Variants in DPY30 observed in about 807,000 individuals in gnomAD.
DPY30 encodes the protein dpy-30 histone methyltransferase complex regulatory subunit.
Under a neutral mutation model 16.2 loss-of-function variants are expected in DPY30, and 6 were observed. That is an observed-to-expected ratio of 0.37 (90% CI 0.20 to 0.73). DPY30 has a LOEUF of 0.73. DPY30 is among the 30% of genes least tolerant of loss of function. The pLI is 0.51. For synonymous variants in DPY30, 39 were observed against 38.8 expected, an observed-to-expected ratio of 1.00 and a Z score of -0.02; for missense variants, 73 against 113.1, an observed-to-expected ratio of 0.65 and a Z score of 1.61.
intron 3 of DPY30, among the ~76,000 whole-genome samples, chr2:32,034,689 T>C (rs1359190998): frequency 6.6e-6 from 1 of 152,118 alleles, no homozygotes; most frequent in Non-Finnish European, 1.5e-5. Flanking sequence ...TGTGTTCCAG[T>C]GACACAGGGG....
chr2:32,026,914 CT>C (rs1235027568), intron 4 of DPY30, among the ~76,000 whole-genome samples: 1 of 149,264 alleles, frequency 6.7e-6, no homozygotes, highest in African/African-American at 2.5e-5. Flanking sequence ...TATTTTTTTC[CT>C]TTTTTCCCTT....
At chr2:32,026,523 G>C (rs1293221431) in intron 4 of DPY30, among the ~76,000 whole-genome samples, 1 of 152,186 alleles carries the variant, frequency 6.6e-6, no homozygotes, top group Non-Finnish European at 1.5e-5. Context: ...GAGTGTAATG[G>C]CTCATGCCTG....
downstream of DPY30, among the ~76,000 whole-genome samples, chr2:32,020,215 T>C (rs1675150372): frequency 6.7e-6 from 1 of 148,632 alleles, no homozygotes; most frequent in Non-Finnish European, 1.5e-5. Context: ...CAAAAACAAA[T>C]AGGCTGGGCA....
At chr2:32,030,747 C>T (rs1162434362) in intron 3 of DPY30, among the ~76,000 whole-genome samples, 1 of 151,912 alleles carries the variant, frequency 6.6e-6, no homozygotes, top group Non-Finnish European at 1.5e-5. Context: ...TGCAGTGAGA[C>T]GAGATCATGC....
chr2:32,012,684 G>A (rs375347605), intron 5 of DPY30, among the ~76,000 whole-genome samples: 2 of 151,828 alleles, frequency 1.3e-5, no homozygotes, highest in Admixed American at 6.6e-5. Flanking sequence ...GTGATCCACC[G>A]GCCTCGGCCT....
intron 4 of DPY30, among the ~76,000 whole-genome samples, chr2:32,025,417 C>T (rs1675291642): frequency 6.6e-6 from 1 of 151,886 alleles, no homozygotes; most frequent in African/African-American, 2.4e-5. Flanking sequence ...GAGCCGAGAT[C>T]ATGCCACTGT....
rs1192407551 is a variant in DPY30 at position 32,039,154 on chromosome 2, G to C, written c.84+125C>G. 5 of 1,121,230 alleles carry C rather than the reference G, an allele frequency of 4.5e-6. No homozygotes were observed. In the East Asian group the frequency reaches 1.2e-4, roughly 26 times the overall value. The allele number at this position is 1,121,230 out of a possible 1,614,324, so 69.5% of individuals were successfully genotyped here. A position where few individuals can be genotyped will look rare whatever the true frequency, so the allele number is the denominator to read the frequency against. The stretch of plus-strand genomic sequence containing the variant: ...TAATAAAACAAGCTACCCATAACTT[G>C]ATACTATTCAGTTCACGATAACAAA... On this transcript the variant is annotated intron_variant, in intron 3 of 4. Transcript: ENST00000342166.
chr2:32,023,843 T>C (rs1369955583), downstream of DPY30: 1 of 1,309,292 alleles, frequency 7.6e-7, no homozygotes, highest in Non-Finnish European at 1.0e-6. Context: ...AAAGAGAAAT[T>C]CATAAAACAA....
At chr2:32,022,809 C>T (rs1215777984), downstream of DPY30, among the ~76,000 whole-genome samples, 3 of 152,000 alleles carry the variant, frequency 2.0e-5, no homozygotes, top group Non-Finnish European at 4.4e-5. Context: ...AGCCACCGCA[C>T]CCGGCCAATC....
chr2:32,029,446 T>A, intron 4 of DPY30, 148 bp downstream of exon 4: 2 of 910,522 alleles, frequency 2.2e-6, no homozygotes, highest in Non-Finnish European at 3.2e-6. Context: ...ATGTCTGAAT[T>A]ATGAGATTAT....
At position 32,026,068 on chromosome 2, in the gene DPY30, A is replaced by G. The variant is rs1009445829; in HGVS notation, c.228-1812T>C. Among the ~76,000 whole-genome samples the G allele has an allele frequency of 4.7e-4, 72 of 152,006 alleles. 2 individuals are homozygous for G. Among genetic ancestry groups the G allele is most frequent in the Non-Finnish European group, 1.5e-4 (10 of 68,004 alleles). On this transcript the variant is annotated intron_variant, in intron 4 of 4. Coordinates refer to ENST00000342166, the MANE Select transcript of DPY30 (RefSeq NM_001321209.2). ...GCTTCAGTAAGCCATGATTGCCCCCACTGTATTCCAGCTGGGGCAACAGAG... is the reference window on the plus strand; with the variant it reads ...GCTTCAGTAAGCCATGATTGCCCCCGCTGTATTCCAGCTGGGGCAACAGAG...
At chr2:32,039,367 C>G in intron 2 of DPY30, 41 bp from the exon 3 acceptor site, 1 of 1,614,144 alleles carries the variant, frequency 6.2e-7, no homozygotes. Context: ...TAAGTCCCCC[C>G]TTTCTCGCTG....
intron 3 of DPY30, among the ~76,000 whole-genome samples, chr2:32,030,014 A>T (rs1447454752): frequency 6.6e-6 from 1 of 151,886 alleles, no homozygotes; most frequent in East Asian, 1.9e-4. Flanking sequence ...TTGCAGGAGT[A>T]AATACAAATC....
In DPY30 at chr2:32,015,326, C is replaced by G. The variant is rs1572985213; in HGVS notation, n.378-3274G>C. Among the ~76,000 whole-genome samples, 5 of 152,184 alleles carry G rather than the reference C, an allele frequency of 3.3e-5. No individual in the cohort carries two copies. The East Asian group carries it at 5.8e-4, about 18-fold the overall frequency. ...TTTCAACTAAAACTAGTGTTCTAAC[C>G]TAGTGTCAGTCAACTTTGCCCCTGT... On this transcript the variant is annotated intron_variant and non_coding_transcript_variant, in intron 5 of 5. Transcript: ENST00000414013.
At chr2:32,026,699 A>C (rs1675342748) in intron 4 of DPY30, among the ~76,000 whole-genome samples, 1 of 150,944 alleles carries the variant, frequency 6.6e-6, no homozygotes, top group South Asian at 2.1e-4. Context: ...GCTGAGGCAG[A>C]ATTTCTTGAA....
At chr2:32,012,227 G>C (rs1414252993) in intron 5 of DPY30, among the ~76,000 whole-genome samples, 2 of 151,822 alleles carry the variant, frequency 1.3e-5, no homozygotes, top group Non-Finnish European at 2.9e-5. Flanking sequence ...AGGATTTTGT[G>C]CAGTATCCCT....
chr2:32,035,948 A>G (rs997201737), intron 3 of DPY30, among the ~76,000 whole-genome samples: 14 of 151,750 alleles, frequency 9.2e-5, no homozygotes, highest in Middle Eastern at 3.4e-3. Flanking sequence ...AAAAAAAAAA[A>G]AAAAAGAAAA....
chr2:32,031,192 G>T (rs1222673002), intron 3 of DPY30, among the ~76,000 whole-genome samples: 1 of 151,984 alleles, frequency 6.6e-6, no homozygotes, highest in East Asian at 1.9e-4. Context: ...GGAGGCCAAG[G>T]CACGCCGACC....
intron 5 of DPY30, among the ~76,000 whole-genome samples, chr2:32,015,039 CA>C (rs1384947267): frequency 6.6e-6 from 1 of 151,728 alleles, no homozygotes; most frequent in African/African-American, 2.4e-5. Flanking sequence ...TATATCTTTG[CA>C]TATCTTTTGT....
Sources: gnomAD v4.1 joint callset for allele counts (sites outside exome capture counted in the v4.1 genomes callset) on GRCh38, gnomAD v4.1.1 for gene constraint, MANE v1.5 for transcripts, NCBI Gene and HGNC (gene_info 2026-07-23, HGNC 2026-07-21) for gene names.